SRRM4: variants seen among roughly 807,000 people sequenced by gnomAD.
SRRM4 encodes serine/arginine repetitive matrix protein 4.
In SRRM4, 33 loss-of-function variants were observed where a neutral mutation model predicts 68.9. The observed-to-expected ratio is 0.48, with a 90% CI of 0.36 to 0.64. The LOEUF is 0.64. SRRM4 is among the 30% of genes least tolerant of loss of function. The probability of loss-of-function intolerance (pLI) is 0.00; values close to 1 mark genes in which losing one functional copy is unlikely to be tolerated. For missense variants in SRRM4, 817 were observed against 827.1 expected (o/e 0.99, Z 0.15); for synonymous variants, 318 against 318.8 (o/e 1.00, Z 0.03).
At chr12:119,142,161 C>T (rs1001524) in intron 8 of SRRM4, among the ~76,000 whole-genome samples, 4 of 151,962 alleles carry the variant, frequency 2.6e-5, no homozygotes, top group Non-Finnish European at 4.4e-5. Flanking sequence ...TAGGCAGGAC[C>T]GGGCTGTAAA....
chr12:119,063,843 A>C (rs1953829312), intron 1 of SRRM4, among the ~76,000 whole-genome samples: 1 of 152,174 alleles, frequency 6.6e-6, no homozygotes, highest in Non-Finnish European at 1.5e-5. Flanking sequence ...TTCTCTTGTG[A>C]ATGAAGATGG....
chr12:119,122,292 C>CAGGAAGGGAGGAAGGA (rs1215630082), intron 6 of SRRM4, among the ~76,000 whole-genome samples, 172 bp downstream of exon 6: 1 of 69,656 alleles, frequency 1.4e-5, no homozygotes, highest in African/African-American at 6.3e-5. Context: ...GGCAGGAAGG[C>CAGGAAGGGAGGAAGGA]AGGAAGGAAG....
chr12:119,064,481 G>C (rs1159480810), intron 1 of SRRM4, among the ~76,000 whole-genome samples: 1 of 152,064 alleles, frequency 6.6e-6, no homozygotes, highest in Non-Finnish European at 1.5e-5. Context: ...AAAGTCCTCT[G>C]GTTTCCTGTT....
chr12:119,076,001 G>C (rs75350539), intron 1 of SRRM4, among the ~76,000 whole-genome samples: 47,599 of 149,086 alleles, frequency 0.32, 7,667 homozygotes, highest in African/African-American at 0.35. Flanking sequence ...GATGATGGTG[G>C]TGATGGTGGC....
At chr12:119,107,700 C>T (rs1271988603) in intron 2 of SRRM4, among the ~76,000 whole-genome samples, 4 of 151,732 alleles carry the variant, frequency 2.6e-5, no homozygotes, top group South Asian at 4.2e-4. Flanking sequence ...GTATTTGATT[C>T]TTCTCTCTTT....
At chr12:119,045,632 A>G (rs763404776) in intron 1 of SRRM4, among the ~76,000 whole-genome samples, 18 of 152,068 alleles carry the variant, frequency 1.2e-4, no homozygotes, top group Admixed American at 2.0e-4. Flanking sequence ...AGGGACCTGT[A>G]ATTTTCATCA....
At chr12:119,121,364 C>G (rs931212004) in intron 5 of SRRM4, among the ~76,000 whole-genome samples, 1 of 152,214 alleles carries the variant, frequency 6.6e-6, no homozygotes, top group Non-Finnish European at 1.5e-5. Context: ...CCTCCCTGAT[C>G]TCTATTTGAT....
intron 1 of SRRM4, among the ~76,000 whole-genome samples, chr12:119,013,673 T>C (rs1594026792): frequency 6.6e-6 from 1 of 152,204 alleles, no homozygotes; most frequent in East Asian, 1.9e-4. Flanking sequence ...ACTACCCTGT[T>C]ATTTTTTTAA....
At chr12:119,083,768 TGCA>T (rs1404117249) in intron 1 of SRRM4, among the ~76,000 whole-genome samples, 1 of 152,176 alleles carries the variant, frequency 6.6e-6, no homozygotes, top group Non-Finnish European at 1.5e-5. Flanking sequence ...GAGCTGACAG[TGCA>T]GCTGCCCAGA....
At chr12:119,085,293 T>C (rs1953972983) in intron 1 of SRRM4, among the ~76,000 whole-genome samples, 1 of 152,232 alleles carries the variant, frequency 6.6e-6, no homozygotes, top group African/African-American at 2.4e-5. Flanking sequence ...ATCCTTGCAA[T>C]AACCCTGTGA....
chr12:119,151,352 G>A (rs940756344), intron 10 of SRRM4, 132 bp downstream of exon 10: 9 of 804,024 alleles, frequency 1.1e-5, no homozygotes, highest in Admixed American at 2.3e-5. Context: ...TGCCCATTTC[G>A]AGCTGGTGGC....
At chr12:119,055,461 G>C (rs899352655) in intron 1 of SRRM4, among the ~76,000 whole-genome samples, 10 of 152,142 alleles carry the variant, frequency 6.6e-5, no homozygotes, top group African/African-American at 2.4e-4. Context: ...CAAGTGGCAA[G>C]TACCACTCTC....
chr12:118,981,766 C>A lies in SRRM4; in HGVS notation c.-117C>A. The A allele has an allele frequency of 2.4e-6, 3 of 1,226,556 alleles. No individual in the cohort carries two copies. Among genetic ancestry groups the A allele is most frequent in the Non-Finnish European group, 2.2e-6 (2 of 893,032 alleles). 76.0% of individuals were successfully genotyped at this position (1,226,556 alleles called of 1,614,324 possible). A position where few individuals can be genotyped will look rare whatever the true frequency, so the allele number is the denominator to read the frequency against. The stretch of plus-strand genomic sequence containing the variant: ...CCCTGAACTCCGATCTCTCCCACCC[C>A]ACCCCTCTCTGGGTTTCACCCGGAC... On this transcript the variant is annotated 5_prime_UTR_variant, in exon 1 of 13. Coordinates refer to ENST00000267260, the MANE Select transcript of SRRM4 (RefSeq NM_194286.4).
Position 119,157,844 on chromosome 12 carries a change from T to TACCC in SRRM4, c.*1055_*1058dup, listed in dbSNP as rs1455661744. On this transcript the variant is annotated 3_prime_UTR_variant, in exon 13 of 13. Transcript: ENST00000267260. This position sits in a 1 kb window ranked among gnomAD's most constrained non-coding sequence, Gnocchi z 4.1. The stretch of plus-strand genomic sequence containing the variant: ...ATGCCACCCAGTGCAGCCTGGCACC[T>TACCC]ACCCACCCACCCTTCAGCTTAAGCC... The TACCC allele has an allele frequency of 7.4e-6, 1 of 135,290 alleles. No homozygotes were observed. The highest frequency in any genetic ancestry group is 2.8e-5 in the African/African-American group (1 of 36,146). 8.4% of individuals were successfully genotyped at this position (135,290 alleles called of 1,614,324 possible).
At chr12:119,137,040 G>A (rs945778802) in intron 8 of SRRM4, among the ~76,000 whole-genome samples, 1 of 151,866 alleles carries the variant, frequency 6.6e-6, no homozygotes, top group Admixed American at 6.6e-5. Flanking sequence ...TTCCTAATTA[G>A]TGCACTAAGG....
rs2135985197 is a variant in SRRM4, at chr12:118,981,772, T to A, written c.-111T>A. The A allele has an allele frequency of 1.6e-3, 1,462 of 915,402 alleles. No homozygotes were observed. Among genetic ancestry groups the A allele is most frequent in the Middle Eastern group, 4.8e-3 (11 of 2,292 alleles). 56.7% of individuals were successfully genotyped at this position (915,402 alleles called of 1,614,324 possible). A position where few individuals can be genotyped will look rare whatever the true frequency, so the allele number is the denominator to read the frequency against. ...ACTCCGATCTCTCCCACCCCACCCC[T>A]CTCTGGGTTTCACCCGGACAGAGCC... On this transcript the variant is annotated 5_prime_UTR_variant, in exon 1 of 13. Coordinates refer to ENST00000267260, the MANE Select transcript of SRRM4 (RefSeq NM_194286.4).
At chr12:119,131,119 A>ATCT in intron 8 of SRRM4, among the ~76,000 whole-genome samples, 1 of 152,190 alleles carries the variant, frequency 6.6e-6, no homozygotes, top group Non-Finnish European at 1.5e-5. Flanking sequence ...ATCTGCAGGA[A>ATCT]GACATGTTTA....
intron 10 of SRRM4, 134 bp downstream of exon 10, chr12:119,151,354 G>A (rs1954438270): frequency 1.3e-6 from 1 of 793,880 alleles, no homozygotes; most frequent in Non-Finnish European, 2.0e-6. Flanking sequence ...CCCATTTCGA[G>A]CTGGTGGCCT....
rs551853610 is a variant in SRRM4 at position 118,991,807 on chromosome 12, A to C, written c.131+9794A>C. 2.6e-5 allele frequency: 4 copies of C among 152,366 alleles called. No homozygotes were observed. The East Asian group carries it at 7.7e-4, about 29-fold the overall frequency. The allele number at this position is 152,366 out of a possible 1,614,324, so 9.4% of individuals were successfully genotyped here. ...ATCCCAGCACCTAGTACAGTGGCTC[A>C]AGGTTGGTCATCTTTAAATATTTGT... On this transcript the variant is annotated intron_variant, in intron 1 of 12. Transcript: ENST00000267260.
Sources: allele counts gnomAD v4.1 joint callset (sites outside exome capture counted in the v4.1 genomes callset), GRCh38; gene constraint gnomAD v4.1.1; non-coding constraint Gnocchi (gnomAD v3.1); transcripts MANE v1.5; gene names NCBI Gene and HGNC (gene_info 2026-07-23, HGNC 2026-07-21).